The following RELCH variants were observed in gnomAD, a reference collection of about 807,000 sequenced individuals.
The protein encoded by RELCH is RAB11 binding and LisH domain, coiled-coil and HEAT repeat containing, also known as RAB11-binding protein RELCH.
In RELCH, 41 loss-of-function variants were observed where a neutral mutation model predicts 150.3. The observed-to-expected ratio is 0.27, with a 90% CI of 0.21 to 0.35. The LOEUF (loss-of-function observed/expected upper bound fraction) is 0.35, where lower values mean the gene tolerates loss of function less well. Ranked by LOEUF, RELCH falls within the 10% of genes least tolerant of loss-of-function variation. The probability of loss-of-function intolerance (pLI) is 1.00; values close to 1 mark genes in which losing one functional copy is unlikely to be tolerated. For synonymous variants in RELCH, 478 were observed against 531.8 expected (o/e 0.90, Z 1.39); for missense variants, 1,092 against 1,467.8 (o/e 0.74, Z 4.18).
chr18:62,268,533 G>A (rs1431968104), intron 19 of RELCH: 2 of 163,130 alleles, frequency 1.2e-5, no homozygotes, highest in Non-Finnish European at 2.6e-5. Context: ...ACTGCAAATT[G>A]AAAGCATAAA....
chr18:62,229,518 G>GTGTGTGTGTGTGTGTC (rs539055675), intron 8 of RELCH, among the ~76,000 whole-genome samples: 31 of 147,748 alleles, frequency 2.1e-4, no homozygotes, highest in East Asian at 1.0e-3. Flanking sequence ...GTGTGTGTGT[G>GTGTGTGTGTGTGTGTC]TGTCTGTCTG....
chr18:62,273,915 G>A, intron 20 of RELCH, 65 bp from the exon 21 acceptor site: 1 of 962,380 alleles, frequency 1.0e-6, no homozygotes, highest in Non-Finnish European at 1.7e-6. Flanking sequence ...TTATAGATAG[G>A]TAAATATGGT....
intron 10 of RELCH, among the ~76,000 whole-genome samples, chr18:62,233,404 A>T (rs1247582234): frequency 6.6e-6 from 1 of 151,942 alleles, no homozygotes; most frequent in East Asian, 1.9e-4. Flanking sequence ...GGCAAAACCC[A>T]TTTAAAGCTT....
At chr18:62,217,771 GAT>G (rs1406932273) in intron 2 of RELCH, among the ~76,000 whole-genome samples, 1 of 151,946 alleles carries the variant, frequency 6.6e-6, no homozygotes, top group Non-Finnish European at 1.5e-5. Context: ...AATGTCTAAG[GAT>G]GATACATGGA....
In RELCH at chr18:62,188,026, A is replaced by T; in HGVS notation, c.521A>T (p.Gln174Leu). Residue 174 changes from glutamine (Q) to leucine (L), a missense_variant, in exon 1 of 29, where the codon CAG becomes CTG. Physicochemically the swap from Gln to Leu is moderately radical, Grantham distance 113. Around this residue, in one of 4 missense-constraint regions of RELCH, gnomAD observed 190 missense variants for 276.2 expected, o/e 0.69. Coordinates refer to ENST00000644646, the MANE Select transcript of RELCH (RefSeq NM_001346231.2). Reference sequence around the variant, plus strand: ...CCGAGTACAGCGTCGGGCGGGGGACAGCTCAGTAAGTGGACGCAGCCTGTC... The same window carrying T: ...CCGAGTACAGCGTCGGGCGGGGGACTGCTCAGTAAGTGGACGCAGCCTGTC... ...REPSTASGGG[Q>L]LNRAGSISTL... is the part of the protein sequence containing the mutation. The T allele has an allele frequency of 1.3e-6, 2 of 1,561,178 alleles. No homozygotes were observed. The highest frequency in any genetic ancestry group is 1.7e-6 in the Non-Finnish European group (2 of 1,153,690).
intron 22 of RELCH, among the ~76,000 whole-genome samples, chr18:62,277,219 G>C: frequency 6.6e-6 from 1 of 151,988 alleles, no homozygotes; most frequent in South Asian, 2.1e-4. Flanking sequence ...CTTATGTCTG[G>C]TTTTGGTTTC....
chr18:62,196,745 T>A (rs2039077328), intron 1 of RELCH, among the ~76,000 whole-genome samples: 1 of 152,208 alleles, frequency 6.6e-6, no homozygotes, highest in Non-Finnish European at 1.5e-5. Flanking sequence ...TCAGTATTTT[T>A]ACATCGATAT....
intron 8 of RELCH, among the ~76,000 whole-genome samples, chr18:62,229,350 C>T (rs1421029341): frequency 2.6e-5 from 4 of 152,046 alleles, no homozygotes; most frequent in African/African-American, 9.7e-5. Context: ...GTTATGCCTA[C>T]TATGAGCATA....
Position 62,221,204 on chromosome 18 carries a change from G to GT in RELCH, c.689-8dup, listed in dbSNP as rs763142680. 2 of 1,605,196 alleles carry GT rather than the reference G, an allele frequency of 1.2e-6. No individual in the cohort carries two copies. The highest frequency in any genetic ancestry group is 1.7e-6 in the Non-Finnish European group (2 of 1,172,828). On this transcript the variant is annotated splice_polypyrimidine_tract_variant and intron_variant, in intron 3 of 28. Coordinates refer to ENST00000644646, the MANE Select transcript of RELCH (RefSeq NM_001346231.2). ...TGTAAAATAGTAAAATAGTACTTAT[G>GT]TTTTTTTCCACCAGAACATGAAGTT...
At chr18:62,269,482 T>C (rs1288632573) in intron 20 of RELCH, 2 of 411,878 alleles carry the variant, frequency 4.9e-6, no homozygotes, top group Admixed American at 2.6e-5. Flanking sequence ...CAAAATGTGT[T>C]TCATATACAC....
At position 62,265,873 on chromosome 18, in the gene RELCH, A is replaced by G. The variant is rs531392612; in HGVS notation, c.2632-828A>G. Among the ~76,000 whole-genome samples, 4 of 152,110 alleles carry G rather than the reference A, an allele frequency of 2.6e-5. No homozygotes were observed. The East Asian group carries it at 7.7e-4, about 29-fold the overall frequency. On this transcript the variant is annotated intron_variant, in intron 18 of 28. Coordinates refer to ENST00000644646, the MANE Select transcript of RELCH (RefSeq NM_001346231.2). ...CTAAATATATAAATTAATGTGCCTC[A>G]CCTACAGAGAGGAGGGCAAAAACCA...
intron 28 of RELCH, chr18:62,300,792 A>G (rs763649262): frequency 2.0e-5 from 3 of 152,252 alleles, no homozygotes; most frequent in Non-Finnish European, 2.9e-5. Flanking sequence ...ACTACAAGTC[A>G]TCATGTAAAA....
intron 1 of RELCH, among the ~76,000 whole-genome samples, chr18:62,189,524 C>A (rs2038462882): frequency 1.3e-5 from 2 of 152,142 alleles, no homozygotes; most frequent in Non-Finnish European, 2.9e-5. Context: ...TAATAAATTT[C>A]TCACACTTTG....
chr18:62,204,391 A>G (rs944400649), intron 1 of RELCH, among the ~76,000 whole-genome samples: 3 of 152,160 alleles, frequency 2.0e-5, no homozygotes, highest in African/African-American at 4.8e-5. Context: ...GCTGGAATGC[A>G]GTGTCTCAAT....
chr18:62,288,887 G>C (rs1369101348), intron 26 of RELCH, among the ~76,000 whole-genome samples: 1 of 152,140 alleles, frequency 6.6e-6, no homozygotes, highest in Non-Finnish European at 1.5e-5. Context: ...GTGCATCGCA[G>C]AGTTTGTATC....
intron 28 of RELCH, among the ~76,000 whole-genome samples, chr18:62,299,557 C>T (rs754549272): frequency 6.6e-6 from 1 of 152,148 alleles, no homozygotes; most frequent in African/African-American, 2.4e-5. Context: ...CCATGTGCAA[C>T]ACGCATATAT....
At position 62,187,560 on chromosome 18, in the gene RELCH, C is replaced by G; in HGVS notation, c.55C>G (p.Leu19Val). Reference protein sequence around the residue: ...SGSGGGVNPFLSDSDEDDDEV... With the variant: ...SGSGGGVNPFVSDSDEDDDEV... Reference sequence around the variant, plus strand: ...CAGTGGTGGCGGCGTGAATCCATTTCTCAGTGATTCGGATGAGGACGATGA... The same window carrying G: ...CAGTGGTGGCGGCGTGAATCCATTTGTCAGTGATTCGGATGAGGACGATGA... Residue 19 changes from leucine to valine, a missense_variant, in exon 1 of 29, where the codon CTC (leucine) becomes GTC (valine). This residue lies in a region of RELCH where 138 missense variants were observed against 124.8 expected (regional missense o/e 1.11). Coordinates refer to ENST00000644646, the MANE Select transcript of RELCH (RefSeq NM_001346231.2). 6.6e-7 allele frequency: 1 copy of G among 1,519,402 alleles called. No individual in the cohort carries two copies. The highest frequency in any genetic ancestry group is 8.8e-7 in the Non-Finnish European group (1 of 1,134,288). The allele number at this position is 1,519,402 out of a possible 1,614,324, so 94.1% of individuals were successfully genotyped here.
chr18:62,232,855 A>G (rs544041108), intron 10 of RELCH, among the ~76,000 whole-genome samples: 1 of 152,162 alleles, frequency 6.6e-6, no homozygotes, highest in East Asian at 1.9e-4. Flanking sequence ...ATAATATAAC[A>G]CTAGTCATAA....
At chr18:62,195,636 C>A (rs191958366) in intron 1 of RELCH, among the ~76,000 whole-genome samples, 2 of 152,040 alleles carry the variant, frequency 1.3e-5, no homozygotes, top group East Asian at 3.9e-4. Flanking sequence ...AGGAGGTAGT[C>A]ATTTATGTTT....
Sources: allele counts gnomAD v4.1 joint callset (sites outside exome capture counted in the v4.1 genomes callset), GRCh38; gene constraint gnomAD v4.1.1; regional missense constraint gnomAD v4.1.1; transcripts MANE v1.5; gene names NCBI Gene and HGNC (gene_info 2026-07-23, HGNC 2026-07-21).